Variants in PDE1C observed in about 807,000 individuals in gnomAD.
PDE1C encodes the protein dual specificity calcium/calmodulin-dependent 3',5'-cyclic nucleotide phosphodiesterase 1C.
Under a neutral mutation model 93.1 loss-of-function variants are expected in PDE1C, and 62 were observed. The observed-to-expected ratio is 0.67, with a 90% confidence interval of 0.54 to 0.82. The LOEUF (loss-of-function observed/expected upper bound fraction) is 0.82. Among genes scored for constraint, PDE1C ranks in the 40% least tolerant of loss-of-function variants. The pLI is 0.00. For missense variants in PDE1C, 742 were observed against 884.6 expected (o/e 0.84, Z 2.04); for synonymous variants, 325 against 310.1 (o/e 1.05, Z -0.50).
At chr7:31,656,983 G>A in the PDE1C span, among the ~76,000 whole-genome samples, 1 of 148,384 alleles carries the variant, frequency 6.7e-6, no homozygotes. Context: ...CAGGCCTTTA[G>A]GCTCAGACTG....
intron 1 of PDE1C, among the ~76,000 whole-genome samples, chr7:32,311,609 T>A: frequency 6.6e-6 from 1 of 151,914 alleles, no homozygotes; most frequent in East Asian, 1.9e-4. Flanking sequence ...TATACGCAAA[T>A]CAATAAATGT....
At chr7:32,340,802 G>T (rs1412156015) in intron 1 of PDE1C, among the ~76,000 whole-genome samples, 1 of 152,192 alleles carries the variant, frequency 6.6e-6, no homozygotes, top group Admixed American at 6.5e-5. Flanking sequence ...ATACAATGGA[G>T]ATAGTAAAAA....
intron 1 of PDE1C, among the ~76,000 whole-genome samples, chr7:32,253,664 C>A (rs550057933): frequency 9.8e-5 from 15 of 152,326 alleles, no homozygotes; most frequent in African/African-American, 3.4e-4. Flanking sequence ...ATGAATATTT[C>A]TGTGGCATAA....
chr7:32,381,129 C>T (rs1179963603), intron 1 of PDE1C, among the ~76,000 whole-genome samples: 1 of 151,784 alleles, frequency 6.6e-6, no homozygotes, highest in African/African-American at 2.4e-5. Flanking sequence ...CTTGACTTCT[C>T]TCTTTCTTTC....
At chr7:32,189,983 G>C (rs1362618802) in intron 2 of PDE1C, among the ~76,000 whole-genome samples, 1 of 152,156 alleles carries the variant, frequency 6.6e-6, no homozygotes, top group Non-Finnish European at 1.5e-5. Flanking sequence ...TAAAAACTTG[G>C]TTGAACATCT....
intron 1 of PDE1C, among the ~76,000 whole-genome samples, chr7:32,372,207 C>A (rs1163509882): frequency 6.6e-6 from 1 of 152,094 alleles, no homozygotes; most frequent in African/African-American, 2.4e-5. Flanking sequence ...GCACCTGCCA[C>A]CACACCTGGC....
At chr7:31,837,577 A>C (rs1040019977) in intron 10 of PDE1C, among the ~76,000 whole-genome samples, 2 of 152,170 alleles carry the variant, frequency 1.3e-5, no homozygotes, top group Non-Finnish European at 2.9e-5. Flanking sequence ...ACTGACTTTT[A>C]TTGGTTGCTT....
At chr7:31,843,610 G>C (rs1192688173) in intron 9 of PDE1C, among the ~76,000 whole-genome samples, 1 of 151,702 alleles carries the variant, frequency 6.6e-6, no homozygotes, top group African/African-American at 2.4e-5. Context: ...ATTGCAGTTG[G>C]AGCTTGCCTT....
intron 1 of PDE1C, among the ~76,000 whole-genome samples, chr7:32,056,320 TTC>T (rs10648394): frequency 0.13 from 14,160 of 110,718 alleles, 828 homozygotes; most frequent in African/African-American, 0.2. Context: ...GGGTCCACCG[TTC>T]TCTCTCTCTC....
At position 32,288,527 on chromosome 7, in the gene PDE1C, G is replaced by T. The variant is rs192849874; in HGVS notation, c.85+10124C>A. 2.6e-5 allele frequency among the ~76,000 whole-genome samples: 4 copies of T among 152,268 alleles called. No individual in the cohort carries two copies. In the East Asian group the frequency reaches 7.7e-4, roughly 29 times the overall value. On this transcript the variant is annotated intron_variant, in intron 1 of 18. Transcript: ENST00000396193. ...ATGAGAAAGAAAGAAAATGCATCCT[G>T]TTGGAAAACTGGGTTTCTGTGGGGC...
intron 1 of PDE1C, among the ~76,000 whole-genome samples, chr7:32,241,001 T>C (rs982723588): frequency 3.9e-5 from 6 of 152,152 alleles, no homozygotes; most frequent in East Asian, 1.9e-4. Context: ...CTGTAAAGCA[T>C]TGGCCTGAGC....
At chr7:32,177,405 T>A (rs997466962) in intron 2 of PDE1C, among the ~76,000 whole-genome samples, 2 of 152,124 alleles carry the variant, frequency 1.3e-5, no homozygotes, top group African/African-American at 4.8e-5. Flanking sequence ...ATCTGCCCTA[T>A]GCGCATATGC....
the PDE1C span, chr7:31,651,962 C>T: frequency 2.1e-5 from 33 of 1,601,140 alleles, no homozygotes; most frequent in East Asian, 3.4e-4. Flanking sequence ...CAACTGCAAA[C>T]GTTACGTGAG....
intron 2 of PDE1C, among the ~76,000 whole-genome samples, chr7:31,996,451 A>G (rs915822732): frequency 1.3e-5 from 2 of 152,242 alleles, no homozygotes; most frequent in African/African-American, 4.8e-5. Flanking sequence ...CTAGAGAGGC[A>G]AAAGGGAAAG....
the PDE1C span, among the ~76,000 whole-genome samples, chr7:31,685,189 T>C: frequency 1.3e-4 from 19 of 151,788 alleles, 1 homozygote; most frequent in East Asian, 3.5e-3. Flanking sequence ...CATTCTTGAA[T>C]TGACAAAATT....
At chr7:31,908,804 TTCAA>T (rs1312873985) in intron 2 of PDE1C, among the ~76,000 whole-genome samples, 7 of 152,190 alleles carry the variant, frequency 4.6e-5, no homozygotes, top group African/African-American at 1.7e-4. Context: ...CCTGCAGTTA[TTCAA>T]TCAAACACTA....
intron 16 of PDE1C, among the ~76,000 whole-genome samples, chr7:31,798,622 A>T (rs1785602655): frequency 6.6e-6 from 1 of 151,784 alleles, no homozygotes; most frequent in Non-Finnish European, 1.5e-5. Context: ...GTCAAAAATC[A>T]TATCAACAGT....
At chr7:32,080,782 A>C (rs961989905) in intron 3 of PDE1C, among the ~76,000 whole-genome samples, 1 of 152,210 alleles carries the variant, frequency 6.6e-6, no homozygotes, top group Non-Finnish European at 1.5e-5. Context: ...AGGAGAATAA[A>C]AGAATATAAA....
the PDE1C span, among the ~76,000 whole-genome samples, chr7:31,620,403 G>A: frequency 2.6e-5 from 4 of 151,586 alleles, no homozygotes; most frequent in African/African-American, 9.7e-5. Context: ...GTACTCCTCT[G>A]AGACAAAACT....
Sources: allele counts gnomAD v4.1 joint callset (sites outside exome capture counted in the v4.1 genomes callset), GRCh38; gene constraint gnomAD v4.1.1; transcripts MANE v1.5; gene names NCBI Gene and HGNC (gene_info 2026-07-23, HGNC 2026-07-21).